Variants in GARRE1 observed in about 807,000 individuals in gnomAD.
GARRE1 encodes the protein granule associated Rac and RHOG effector protein 1.
A neutral mutation model predicts 103.2 loss-of-function variants in GARRE1; 49 were observed. The observed-to-expected ratio is 0.47, with a 90% CI of 0.38 to 0.60. The LOEUF is 0.60. Among genes scored for constraint, GARRE1 ranks in the 20% least tolerant of loss-of-function variants. The pLI, the probability that GARRE1 is intolerant of heterozygous loss-of-function variation, is 0.00. For synonymous variants in GARRE1, 505 were observed against 532.8 expected, an observed-to-expected ratio of 0.95 and a Z score of 0.72; for missense variants, 1,199 against 1,370.5, an observed-to-expected ratio of 0.87 and a Z score of 1.98.
intron 2 of GARRE1, among the ~76,000 whole-genome samples, chr19:34,307,155 G>A (rs1265737236): frequency 1.3e-5 from 2 of 152,182 alleles, no homozygotes; most frequent in African/African-American, 4.8e-5. Flanking sequence ...GAAGGGTAAA[G>A]AGGGGCCACT....
rs557840613 is a variant in GARRE1, at chr19:34,347,053, A to AGCT, written c.2522-822_2522-820dup. ...ATCCCCCCACCTCAGCCTCCCAAGT[A>AGCT]GCTGTGACTACGGGTGCACACCACC... On this transcript the variant is annotated intron_variant, in intron 10 of 13. Transcript: ENST00000299505. Among the ~76,000 whole-genome samples, 17 of 150,124 alleles carry AGCT rather than the reference A, an allele frequency of 1.1e-4. No individual in the cohort carries two copies. The South Asian group carries it at 3.0e-3, about 26-fold the overall frequency.
chr19:34,286,990 T>C (rs1224837923), intron 1 of GARRE1, among the ~76,000 whole-genome samples: 2 of 151,790 alleles, frequency 1.3e-5, no homozygotes, highest in Non-Finnish European at 2.9e-5. Context: ...CTCCAAAAAA[T>C]TAGTCGGGCA....
Position 34,300,864 on chromosome 19 carries a change from C to T in GARRE1, c.391C>T (p.Leu131=), listed in dbSNP as rs373316791. 1 of 1,613,400 alleles carries T rather than the reference C, an allele frequency of 6.2e-7. No homozygotes were observed. Among genetic ancestry groups the T allele is most frequent in the Non-Finnish European group, 8.5e-7 (1 of 1,180,054 alleles). Residue 131 remains leucine, a synonymous_variant, in exon 2 of 14, where the codon CTG becomes TTG. Transcript: ENST00000299505. The stretch of plus-strand genomic sequence containing the variant: ...GCATGTCATGGAAGCAGCCAGTCGG[C>T]TGACCTCGGCCATAAAGCCTGAGAT... ...QEHVMEAASR[L]TSAIKPEIAK... is the part of the protein sequence containing the mutation.
intron 2 of GARRE1, among the ~76,000 whole-genome samples, chr19:34,319,002 G>A (rs765919615): frequency 4.3e-5 from 6 of 140,788 alleles, no homozygotes; most frequent in Admixed American, 7.7e-5. Flanking sequence ...GTGACAGAGC[G>A]AGACTCCATT....
At chr19:34,309,682 G>A (rs985344657) in intron 2 of GARRE1, among the ~76,000 whole-genome samples, 2 of 152,132 alleles carry the variant, frequency 1.3e-5, no homozygotes, top group African/African-American at 4.8e-5. Context: ...GGCTTGTTAT[G>A]TTCTGCTTTT....
intron 10 of GARRE1, 58 bp from the exon 11 acceptor site, chr19:34,347,819 G>A: frequency 1.4e-6 from 2 of 1,427,082 alleles, no homozygotes. Context: ...AAAGCGTAGG[G>A]AAGGACCAAG....
At chr19:34,277,912 C>G (rs1030970217) in intron 1 of GARRE1, among the ~76,000 whole-genome samples, 2 of 83,410 alleles carry the variant, frequency 2.4e-5, no homozygotes, top group Admixed American at 1.9e-4. Context: ...CCCCCCCCCC[C>G]CACCCCCAGC....
intron 1 of GARRE1, among the ~76,000 whole-genome samples, chr19:34,291,184 A>T (rs2073915923): frequency 6.6e-6 from 1 of 152,078 alleles, no homozygotes; most frequent in African/African-American, 2.4e-5. Context: ...CTGGGATCAC[A>T]GGTGTGAGCC....
chr19:34,268,631 T>G (rs1029693555), intron 1 of GARRE1, among the ~76,000 whole-genome samples: 11 of 144,374 alleles, frequency 7.6e-5, no homozygotes, highest in African/African-American at 2.5e-4. Context: ...TAATACTGGA[T>G]TTTTTTTTTT....
intron 11 of GARRE1, 72 bp downstream of exon 11, chr19:34,348,114 G>A: frequency 7.8e-7 from 1 of 1,288,522 alleles, no homozygotes; most frequent in African/African-American, 1.5e-5. Flanking sequence ...TGAGAAGAGA[G>A]GCTCCTTGCC....
In GARRE1 at chr19:34,319,992, A is replaced by C; in HGVS notation, c.581A>C (p.His194Pro). 1 of 1,614,056 alleles carries C rather than the reference A, an allele frequency of 6.2e-7. No homozygotes were observed. Among genetic ancestry groups the C allele is most frequent in the South Asian group, 1.1e-5 (1 of 91,082 alleles). Residue 194 changes from histidine to proline, a missense_variant, in exon 3 of 14, where the codon CAC (histidine) becomes CCC (proline). His to Pro is a moderately conservative substitution (Grantham distance 77, BLOSUM62 -2). Coordinates refer to ENST00000299505, the MANE Select transcript of GARRE1 (RefSeq NM_014686.5). ...HALQKVQPVA[H>P]SCFAEVIVPE... Reference sequence around the variant, plus strand: ...TTACAGAAGGTCCAGCCGGTGGCTCACTCTTGCTTTGCTGAGGTCATCGTG... The same window carrying C: ...TTACAGAAGGTCCAGCCGGTGGCTCCCTCTTGCTTTGCTGAGGTCATCGTG...
At chr19:34,309,237 G>T (rs1423453184) in intron 2 of GARRE1, among the ~76,000 whole-genome samples, 1 of 152,128 alleles carries the variant, frequency 6.6e-6, no homozygotes, top group Non-Finnish European at 1.5e-5. Flanking sequence ...GACCTGATTT[G>T]TTCAACAAGT....
chr19:34,293,281 T>G (rs900269357), intron 1 of GARRE1, among the ~76,000 whole-genome samples: 2 of 152,188 alleles, frequency 1.3e-5, no homozygotes, highest in East Asian at 3.8e-4. Flanking sequence ...CTTGTTTAGC[T>G]TTTGGAAAAT....
chr19:34,297,719 C>T (rs765266888), intron 1 of GARRE1, among the ~76,000 whole-genome samples: 4 of 152,086 alleles, frequency 2.6e-5, no homozygotes, highest in South Asian at 2.1e-4. Flanking sequence ...GTGGAGCACT[C>T]GGGTGGGGAT....
chr19:34,278,354 G>T (rs1298811879), intron 1 of GARRE1, among the ~76,000 whole-genome samples: 1 of 144,236 alleles, frequency 6.9e-6, no homozygotes. Flanking sequence ...TGAGGCACGA[G>T]AATTGCTTGA....
At chr19:34,281,850 T>C (rs1230244478) in intron 1 of GARRE1, among the ~76,000 whole-genome samples, 3 of 152,250 alleles carry the variant, frequency 2.0e-5, no homozygotes, top group South Asian at 2.1e-4. Context: ...GCTTTTTGCT[T>C]ATATATTTAC....
intron 1 of GARRE1, among the ~76,000 whole-genome samples, chr19:34,274,783 T>G (rs1032980062): frequency 1.3e-5 from 2 of 152,210 alleles, no homozygotes; most frequent in African/African-American, 4.8e-5. Context: ...GAGCCAGCAC[T>G]AAGCGTCTTT....
At chr19:34,280,027 A>T (rs923025750) in intron 1 of GARRE1, among the ~76,000 whole-genome samples, 4 of 151,338 alleles carry the variant, frequency 2.6e-5, no homozygotes, top group African/African-American at 9.7e-5. Context: ...TTGGCTGTAC[A>T]GGAAGTATGG....
At chr19:34,263,143 G>T (rs1041467334) in intron 1 of GARRE1, among the ~76,000 whole-genome samples, 4 of 152,102 alleles carry the variant, frequency 2.6e-5, no homozygotes, top group African/African-American at 9.7e-5. Context: ...AACCTGGGAG[G>T]TGGAGGTTGC....
Sources: allele counts gnomAD v4.1 joint callset (sites outside exome capture counted in the v4.1 genomes callset), GRCh38; gene constraint gnomAD v4.1.1; transcripts MANE v1.5; gene names NCBI Gene and HGNC (gene_info 2026-07-23, HGNC 2026-07-21).